GUCY1A2: variants seen among roughly 807,000 people sequenced by gnomAD.
The protein encoded by GUCY1A2 is guanylate cyclase 1 soluble subunit alpha 2.
Under a neutral mutation model 63.5 loss-of-function variants are expected in GUCY1A2, and 27 were observed. That is an observed-to-expected ratio of 0.43 (90% CI 0.31 to 0.59). The LOEUF (loss-of-function observed/expected upper bound fraction) is 0.59, where lower values mean the gene tolerates loss of function less well. Ranked by LOEUF, GUCY1A2 falls within the 20% of genes least tolerant of loss-of-function variation. The pLI, the probability that GUCY1A2 is intolerant of heterozygous loss-of-function variation, is 0.11. For missense variants in GUCY1A2, 768 were observed against 913.3 expected (o/e 0.84, Z 2.05); for synonymous variants, 364 against 343.5 (o/e 1.06, Z -0.66).
chr11:106,900,351 T>C (rs1860114388), intron 4 of GUCY1A2, among the ~76,000 whole-genome samples: 2 of 152,174 alleles, frequency 1.3e-5, no homozygotes, highest in African/African-American at 4.8e-5. Context: ...ACCCAGCTAA[T>C]TTTTGTATTT....
chr11:106,920,227 G>A (rs78496921), intron 4 of GUCY1A2, among the ~76,000 whole-genome samples: 6,143 of 151,954 alleles, frequency 0.04, 658 homozygotes, highest in East Asian at 0.3. Context: ...GGATGGAGCA[G>A]TGCAGAACTG....
intron 4 of GUCY1A2, among the ~76,000 whole-genome samples, chr11:106,825,147 A>G (rs573721228): frequency 6.6e-6 from 1 of 152,300 alleles, no homozygotes; most frequent in Non-Finnish European, 1.5e-5. Flanking sequence ...CGATTATATA[A>G]TTTTCCAGTA....
At chr11:106,906,853 CAT>C (rs34927596) in intron 4 of GUCY1A2, among the ~76,000 whole-genome samples, 6,124 of 152,132 alleles carry the variant, frequency 0.04, 651 homozygotes, top group East Asian at 0.3. Flanking sequence ...CCAAACACCA[CAT>C]GTCCTCACTC....
chr11:106,749,354 G>A (rs1486446989), intron 6 of GUCY1A2, among the ~76,000 whole-genome samples: 3 of 152,018 alleles, frequency 2.0e-5, no homozygotes, highest in African/African-American at 7.2e-5. Flanking sequence ...TGTTTTTGGT[G>A]CTATTTGGGT....
intron 5 of GUCY1A2, among the ~76,000 whole-genome samples, chr11:106,805,456 G>A (rs1042134669): frequency 6.6e-6 from 1 of 152,050 alleles, no homozygotes; most frequent in Non-Finnish European, 1.5e-5. Context: ...AGGTTGGCCA[G>A]GCTGGTCTCG....
rs1862381539 is a variant in GUCY1A2 at position 106,678,445 on chromosome 11, G to C, written c.*9104C>G. On this transcript the variant is annotated 3_prime_UTR_variant, in exon 8 of 8. Transcript: ENST00000526355. ...AAGGAGACAGCCTTTCAAGTGGTTA[G>C]ATACATAAATATTGATCCAGATTGC... 4.7e-6 allele frequency: 1 copy of C among 212,734 alleles called. No individual in the cohort carries two copies. Among genetic ancestry groups the C allele is most frequent in the South Asian group, 1.9e-4 (1 of 5,358 alleles). 13.2% of individuals were successfully genotyped at this position (212,734 alleles called of 1,614,324 possible). A position where few individuals can be genotyped will look rare whatever the true frequency, so the allele number is the denominator to read the frequency against.
chr11:106,751,387 A>G (rs889343716), intron 6 of GUCY1A2, among the ~76,000 whole-genome samples: 3 of 152,098 alleles, frequency 2.0e-5, no homozygotes, highest in Non-Finnish European at 4.4e-5. Flanking sequence ...AACCCAGTTT[A>G]TAAAGACTCT....
intron 5 of GUCY1A2, among the ~76,000 whole-genome samples, chr11:106,785,956 C>T (rs936151809): frequency 2.0e-5 from 3 of 151,724 alleles, no homozygotes; most frequent in Non-Finnish European, 1.5e-5. Flanking sequence ...CCCATGTACT[C>T]CTTCTCTGTT....
chr11:106,676,479 C>T lies in GUCY1A2; in HGVS notation c.*11070G>A, dbSNP rs1226650705. 1 of 185,752 alleles carries T rather than the reference C, an allele frequency of 5.4e-6. No individual in the cohort carries two copies. Among genetic ancestry groups the T allele is most frequent in the Non-Finnish European group, 1.1e-5 (1 of 88,060 alleles). The allele number at this position is 185,752 out of a possible 1,614,324, so 11.5% of individuals were successfully genotyped here. The stretch of plus-strand genomic sequence containing the variant: ...AGCTATCTGAATATAGGTTTAAAAC[C>T]TCAAAGACACAGAGCTAAGAAATAT... On this transcript the variant is annotated 3_prime_UTR_variant, in exon 8 of 8. Transcript: ENST00000526355.
chr11:106,737,264 G>A (rs953849566), intron 6 of GUCY1A2, among the ~76,000 whole-genome samples: 12 of 152,198 alleles, frequency 7.9e-5, no homozygotes, highest in African/African-American at 2.4e-4. Context: ...TGGCTCCCCC[G>A]TGATAGTTAA....
At chr11:106,901,545 C>G (rs1465508468) in intron 4 of GUCY1A2, among the ~76,000 whole-genome samples, 1 of 152,074 alleles carries the variant, frequency 6.6e-6, no homozygotes, top group East Asian at 1.9e-4. Flanking sequence ...GCACAACATG[C>G]AGGTTTGTTA....
At position 106,833,166 on chromosome 11, in the gene GUCY1A2, G is replaced by A. The variant is rs115948689; in HGVS notation, c.1207-22688C>T. Among the ~76,000 whole-genome samples, 288 of 152,112 alleles carry A rather than the reference G, an allele frequency of 1.9e-3. 2 individuals carry two copies. The highest frequency in any genetic ancestry group is 6.8e-3 in the African/African-American group (282 of 41,512). On this transcript the variant is annotated intron_variant, in intron 4 of 7. Transcript: ENST00000526355. ...TATTTCCCTTTTTGTAAGGACAGAG[G>A]TCATACTGGATTAGGGCCCACCCTA...
chr11:107,014,925 T>C (rs1296200077), intron 1 of GUCY1A2, among the ~76,000 whole-genome samples: 1 of 152,168 alleles, frequency 6.6e-6, no homozygotes. Flanking sequence ...AATGTCCAGC[T>C]TTCATGAGAG....
chr11:106,866,222 A>G (rs1479508265), intron 4 of GUCY1A2, among the ~76,000 whole-genome samples: 1 of 151,940 alleles, frequency 6.6e-6, no homozygotes, highest in Non-Finnish European at 1.5e-5. Context: ...GATTATCTCT[A>G]ATTTAATTTC....
chr11:106,741,567 A>G (rs1382823072), intron 6 of GUCY1A2, among the ~76,000 whole-genome samples: 1 of 152,238 alleles, frequency 6.6e-6, no homozygotes, highest in Non-Finnish European at 1.5e-5. Flanking sequence ...TTAGACACCA[A>G]TAAATTATTG....
chr11:106,797,316 G>A (rs950216876), intron 5 of GUCY1A2, among the ~76,000 whole-genome samples: 1 of 152,050 alleles, frequency 6.6e-6, no homozygotes, highest in African/African-American at 2.4e-5. Flanking sequence ...TTGCTGGAGA[G>A]GAGCTGCGTT....
chr11:106,869,984 T>C (rs1859652131), intron 4 of GUCY1A2, among the ~76,000 whole-genome samples: 1 of 151,888 alleles, frequency 6.6e-6, no homozygotes, highest in Non-Finnish European at 1.5e-5. Flanking sequence ...GAAACCATCA[T>C]TCTCAGGAAA....
chr11:106,904,003 T>C (rs1249095317), intron 4 of GUCY1A2, among the ~76,000 whole-genome samples: 1 of 152,212 alleles, frequency 6.6e-6, no homozygotes, highest in Non-Finnish European at 1.5e-5. Flanking sequence ...ACCAGAATTA[T>C]ACTCTGCTTC....
chr11:106,906,681 C>T (rs374358472), intron 4 of GUCY1A2, among the ~76,000 whole-genome samples: 18 of 152,092 alleles, frequency 1.2e-4, no homozygotes, highest in African/African-American at 3.1e-4. Flanking sequence ...GACTTGGAAC[C>T]GACCCAAATG....
Sources: allele counts gnomAD v4.1 joint callset (sites outside exome capture counted in the v4.1 genomes callset), GRCh38; gene constraint gnomAD v4.1.1; transcripts MANE v1.5; gene names NCBI Gene and HGNC (gene_info 2026-07-23, HGNC 2026-07-21).